SH3BP4: variants seen among roughly 807,000 people sequenced by gnomAD.
The protein encoded by SH3BP4 is SH3 domain binding protein 4.
In SH3BP4, 33 loss-of-function variants were observed where a neutral mutation model predicts 65.5. That is an observed-to-expected ratio of 0.50 (90% confidence interval 0.38 to 0.67). The LOEUF (loss-of-function observed/expected upper bound fraction) is 0.67, where lower values mean the gene tolerates loss of function less well. SH3BP4 is among the 30% of genes least tolerant of loss of function. The pLI is 0.00. For synonymous variants in SH3BP4, 552 were observed against 545.5 expected (o/e 1.01, Z -0.17); for missense variants, 1,134 against 1,261.4 (o/e 0.90, Z 1.53).
Position 234,976,709 on chromosome 2 carries a change from G to A in SH3BP4, c.-206-18594G>A, listed in dbSNP as rs1276283500. Among the ~76,000 whole-genome samples the A allele has an allele frequency of 6.6e-6, 1 of 151,722 alleles. No individual in the cohort carries two copies. The highest frequency in any genetic ancestry group is 2.0e-4 in the East Asian group (1 of 5,056). ...GTGGCAAGAAGGACACCTGCCTCTGGTCTTCCTCTCAGTAACACACAACCC... is the reference window on the plus strand; with the variant it reads ...GTGGCAAGAAGGACACCTGCCTCTGATCTTCCTCTCAGTAACACACAACCC... On this transcript the variant is annotated intron_variant, in intron 1 of 5. Transcript: ENST00000392011. This position sits in a 1 kb window ranked among gnomAD's most constrained non-coding sequence, Gnocchi z 4.7.
chr2:235,000,517 A>G (rs1158834447), intron 2 of SH3BP4, among the ~76,000 whole-genome samples: 1 of 152,082 alleles, frequency 6.6e-6, no homozygotes, highest in Non-Finnish European at 1.5e-5. Context: ...CCCTCCTTCC[A>G]AGAGGGGCTT....
intron 1 of SH3BP4, among the ~76,000 whole-genome samples, chr2:234,958,298 T>C (rs542469307): frequency 1.6e-4 from 25 of 152,078 alleles, no homozygotes; most frequent in Non-Finnish European, 2.8e-4. Flanking sequence ...GAGCTTTCCT[T>C]GGAGGCAGTA....
At chr2:234,986,372 G>A (rs975311778) in intron 1 of SH3BP4, among the ~76,000 whole-genome samples, 1 of 152,184 alleles carries the variant, frequency 6.6e-6, no homozygotes, top group African/African-American at 2.4e-5. Flanking sequence ...TTTATTAGGG[G>A]GACAAAACTC....
At chr2:235,038,049 C>T (rs563931263) in intron 3 of SH3BP4, among the ~76,000 whole-genome samples, 7 of 150,802 alleles carry the variant, frequency 4.6e-5, no homozygotes, top group African/African-American at 1.2e-4. Flanking sequence ...ATTGAGTCCC[C>T]GCTACGCGCC....
At chr2:235,029,884 A>C (rs1204253420) in intron 2 of SH3BP4, among the ~76,000 whole-genome samples, 1 of 152,194 alleles carries the variant, frequency 6.6e-6, no homozygotes, top group African/African-American at 2.4e-5. Context: ...AGGGCTGGGA[A>C]TCAGCGGAGC....
intron 4 of SH3BP4, among the ~76,000 whole-genome samples, chr2:235,050,732 G>A (rs1696022191): frequency 6.6e-6 from 1 of 152,020 alleles, no homozygotes; most frequent in African/African-American, 2.4e-5. Context: ...AGCTGGGCTC[G>A]CTTTGAAGTA....
At chr2:234,954,614 G>C (rs980674731) in intron 1 of SH3BP4, among the ~76,000 whole-genome samples, 2 of 152,124 alleles carry the variant, frequency 1.3e-5, no homozygotes, top group Non-Finnish European at 2.9e-5. Context: ...TTGCTAATCC[G>C]GCAGCCTGGA....
chr2:234,999,627 A>G (rs1694035717), intron 2 of SH3BP4, among the ~76,000 whole-genome samples: 3 of 152,306 alleles, frequency 2.0e-5, no homozygotes, highest in South Asian at 2.1e-4. Flanking sequence ...ACATAAATCA[A>G]TTTCCTTGGG....
At chr2:235,015,297 A>G (rs1014848120) in intron 2 of SH3BP4, among the ~76,000 whole-genome samples, 1 of 152,236 alleles carries the variant, frequency 6.6e-6, no homozygotes, top group African/African-American at 2.4e-5. Context: ...ACTTTGAGCT[A>G]TTATTGAGGA....
intron 2 of SH3BP4, among the ~76,000 whole-genome samples, chr2:235,013,394 C>T (rs1281389666): frequency 6.6e-6 from 1 of 152,220 alleles, no homozygotes; most frequent in African/African-American, 2.4e-5. Flanking sequence ...TCCCAGCACT[C>T]CTGCAGGCTG....
chr2:235,006,478 G>A (rs114708282), intron 2 of SH3BP4, among the ~76,000 whole-genome samples: 195 of 151,864 alleles, frequency 1.3e-3, no homozygotes, highest in Non-Finnish European at 2.4e-3. Flanking sequence ...AGAAGCCAGC[G>A]GATGAAGGTC....
Position 235,034,737 on chromosome 2 carries a change from G to A in SH3BP4, c.-132-134G>A, listed in dbSNP as rs72987431. 4,779 of 439,864 alleles carry A rather than the reference G, an allele frequency of 0.011. 49 individuals carry two copies. Among genetic ancestry groups the A allele is most frequent in the Non-Finnish European group, 0.014 (3,246 of 239,654 alleles). 27.2% of individuals were successfully genotyped at this position (439,864 alleles called of 1,614,324 possible). On this transcript the variant is annotated intron_variant, in intron 2 of 5. Coordinates refer to ENST00000392011, the MANE Select transcript of SH3BP4 (RefSeq NM_014521.3). This position sits in a 1 kb window ranked among gnomAD's most constrained non-coding sequence, Gnocchi z 6.2. The stretch of plus-strand genomic sequence containing the variant: ...AGCAAGCGCTGCTCTGCTCTGTTGG[G>A]CCAGGAAAGATGAAATGGGTCTGTC...
chr2:234,987,695 C>T (rs75960966), intron 1 of SH3BP4, among the ~76,000 whole-genome samples: 2,944 of 152,228 alleles, frequency 0.019, 82 homozygotes, highest in African/African-American at 0.066. Context: ...ATTTTCGAAA[C>T]CTTGGATTAA....
chr2:235,012,538 G>C (rs1369292270), intron 2 of SH3BP4, among the ~76,000 whole-genome samples: 1 of 152,156 alleles, frequency 6.6e-6, no homozygotes, highest in East Asian at 1.9e-4. Context: ...CGCAAGGGAG[G>C]GCTCTTCCTT....
intron 1 of SH3BP4, among the ~76,000 whole-genome samples, chr2:234,954,946 G>T (rs1032190581): frequency 6.6e-6 from 1 of 152,154 alleles, no homozygotes; most frequent in African/African-American, 2.4e-5. Flanking sequence ...TTCCAGCCTC[G>T]TTTCAGGTAC....
intron 2 of SH3BP4, chr2:235,008,678 G>C (rs1012196423): frequency 2.0e-5 from 3 of 152,144 alleles, no homozygotes; most frequent in African/African-American, 7.2e-5. Flanking sequence ...AAAACTCCAA[G>C]GCAAACAAGC....
intron 1 of SH3BP4, among the ~76,000 whole-genome samples, chr2:234,953,643 A>G (rs1692524714): frequency 6.6e-6 from 1 of 152,178 alleles, no homozygotes; most frequent in Non-Finnish European, 1.5e-5. Context: ...GGTGGTTTGC[A>G]GAGCGTTTTG....
intron 1 of SH3BP4, among the ~76,000 whole-genome samples, chr2:234,986,098 C>CCTATGAGCTCAGGGTCCGTGTACAGGTG: frequency 1.0e-4 from 15 of 149,142 alleles, no homozygotes; most frequent in African/African-American, 3.9e-4. Flanking sequence ...GCCCTTGACA[C>CCTATGAGCTCAGGGTCCGTGTACAGGTG]AAACCTATGA....
rs945765524 is a variant in SH3BP4 at position 234,974,233 on chromosome 2, C to T, written c.-206-21070C>T. ...ATACAAAATTAGCCGGGCATGGTGG[C>T]GCACACCTGTAATCCCAACTACTCA... On this transcript the variant is annotated intron_variant, in intron 1 of 5. Coordinates refer to ENST00000392011, the MANE Select transcript of SH3BP4 (RefSeq NM_014521.3). This position sits in a 1 kb window ranked among gnomAD's most constrained non-coding sequence, Gnocchi z 4.6. 4.6e-5 allele frequency among the ~76,000 whole-genome samples: 7 copies of T among 152,042 alleles called. No homozygotes were observed. The East Asian group carries it at 7.7e-4, about 17-fold the overall frequency.
Sources: allele counts gnomAD v4.1 joint callset (sites outside exome capture counted in the v4.1 genomes callset), GRCh38; gene constraint gnomAD v4.1.1; non-coding constraint Gnocchi (gnomAD v3.1); transcripts MANE v1.5; gene names NCBI Gene and HGNC (gene_info 2026-07-23, HGNC 2026-07-21).